The following UVRAG variants were observed in gnomAD, a reference collection of about 807,000 sequenced individuals.
The protein encoded by UVRAG is UV radiation resistance-associated gene protein.
In UVRAG, 19 loss-of-function variants were observed where a neutral mutation model predicts 78.0. The ratio of observed to expected loss-of-function variants is 0.24; its 90% CI spans 0.17 to 0.36. The LOEUF (loss-of-function observed/expected upper bound fraction) is 0.36. UVRAG is among the 10% of genes least tolerant of loss of function. UVRAG has a pLI of 1.00. For synonymous variants in UVRAG, 323 were observed against 324.6 expected (o/e 1.00, Z 0.05); for missense variants, 740 against 853.8 (o/e 0.87, Z 1.66).
At chr11:76,121,698 C>T (rs1387321207) in intron 14 of UVRAG, among the ~76,000 whole-genome samples, 1 of 152,206 alleles carries the variant, frequency 6.6e-6, no homozygotes, top group Non-Finnish European at 1.5e-5. Context: ...TCAACAGACC[C>T]CCAGGCATAG....
At chr11:75,861,601 G>T in intron 2 of UVRAG, 145 bp from the exon 3 acceptor site, 1 of 467,566 alleles carries the variant, frequency 2.1e-6, no homozygotes, top group Non-Finnish European at 3.7e-6. Flanking sequence ...TTTTTTAACA[G>T]ATAAAGATAT....
chr11:76,087,205 G>C (rs1377872429), intron 13 of UVRAG, among the ~76,000 whole-genome samples: 2 of 152,168 alleles, frequency 1.3e-5, no homozygotes, highest in Non-Finnish European at 2.9e-5. Flanking sequence ...TAGGTACATA[G>C]GAATGCCAGT....
In UVRAG at chr11:76,084,324, A is replaced by G. The variant is rs373656076; in HGVS notation, c.1305+18536A>G. Among the ~76,000 whole-genome samples, 7 of 152,334 alleles carry G rather than the reference A, an allele frequency of 4.6e-5. No individual in the cohort carries two copies. In the East Asian group the frequency reaches 1.3e-3, roughly 29 times the overall value. On this transcript the variant is annotated intron_variant, in intron 13 of 14. Transcript: ENST00000356136. ...CAGTGCTTTCTTATTTATTTCTATA[A>G]AGGCGGTATTAATATCTGAATTTAA...
At chr11:76,004,351 G>A (rs945481184) in intron 9 of UVRAG, among the ~76,000 whole-genome samples, 4 of 152,064 alleles carry the variant, frequency 2.6e-5, no homozygotes, top group Non-Finnish European at 4.4e-5. Context: ...CCACAGCATC[G>A]TGGTTTAATG....
At chr11:75,994,074 A>G (rs1326989635) in intron 8 of UVRAG, among the ~76,000 whole-genome samples, 1 of 152,194 alleles carries the variant, frequency 6.6e-6, no homozygotes. Context: ...ATTGAGGATC[A>G]CATTTCACAC....
chr11:76,081,072 T>C (rs1404927883), intron 13 of UVRAG, among the ~76,000 whole-genome samples: 3 of 152,240 alleles, frequency 2.0e-5, no homozygotes, highest in African/African-American at 7.2e-5. Context: ...TTGTATTTCA[T>C]TGTTTCCAGA....
chr11:76,063,171 A>G (rs1474182400), intron 12 of UVRAG, among the ~76,000 whole-genome samples: 1 of 152,216 alleles, frequency 6.6e-6, no homozygotes, highest in Non-Finnish European at 1.5e-5. Flanking sequence ...CTTGACAGAG[A>G]GGCAAAGAGG....
At chr11:76,064,716 C>G (rs1254976457) in intron 12 of UVRAG, among the ~76,000 whole-genome samples, 1 of 152,030 alleles carries the variant, frequency 6.6e-6, no homozygotes, top group Admixed American at 6.6e-5. Context: ...TTTATTTTCT[C>G]TAGAAAATAA....
At position 75,849,859 on chromosome 11, in the gene UVRAG, A is replaced by G. The variant is rs189772218; in HGVS notation, c.118-2024A>G. Among the ~76,000 whole-genome samples, 106 of 149,420 alleles carry G rather than the reference A, an allele frequency of 7.1e-4. 1 individual carries two copies. The highest frequency in any genetic ancestry group is 2.7e-3 in the African/African-American group (104 of 38,758). ...TGTTTTGAACAAAGAATTGGACAAA[A>G]TTAACAGCAAAGCAAGCAAAGAGTG... On this transcript the variant is annotated intron_variant, in intron 1 of 14. Transcript: ENST00000356136.
intron 12 of UVRAG, among the ~76,000 whole-genome samples, chr11:76,057,081 A>C (rs1319776857): frequency 6.6e-6 from 1 of 152,218 alleles, no homozygotes; most frequent in Non-Finnish European, 1.5e-5. Context: ...TGCCAAGGAG[A>C]ATGACATGAG....
chr11:75,991,710 T>G (rs1341008703), intron 8 of UVRAG, among the ~76,000 whole-genome samples: 4 of 152,132 alleles, frequency 2.6e-5, no homozygotes, highest in African/African-American at 9.7e-5. Flanking sequence ...GTATATATTA[T>G]TCTAGAATAT....
chr11:75,967,802 C>T (rs527789642), intron 7 of UVRAG, among the ~76,000 whole-genome samples: 1 of 152,232 alleles, frequency 6.6e-6, no homozygotes, highest in South Asian at 2.1e-4. Context: ...TCGTAAGTCT[C>T]GCAGACTCTG....
At chr11:75,828,801 A>ATTTTT (rs1354813765) in intron 1 of UVRAG, among the ~76,000 whole-genome samples, 1 of 74,930 alleles carries the variant, frequency 1.3e-5, no homozygotes. Flanking sequence ...ATATATATAT[A>ATTTTT]TATATTTTTT....
intron 12 of UVRAG, among the ~76,000 whole-genome samples, chr11:76,038,119 C>A (rs2135413013): frequency 6.6e-6 from 1 of 152,040 alleles, no homozygotes; most frequent in South Asian, 2.1e-4. Flanking sequence ...ACTTAAAAAA[C>A]AAAACAAAAC....
chr11:75,922,400 T>A (rs1947997658), intron 6 of UVRAG, among the ~76,000 whole-genome samples: 1 of 152,164 alleles, frequency 6.6e-6, no homozygotes, highest in African/African-American at 2.4e-5. Context: ...TATTTAGTAA[T>A]ATATCTAATT....
chr11:76,131,738 T>C (rs1000811213), intron 14 of UVRAG, among the ~76,000 whole-genome samples: 1 of 152,214 alleles, frequency 6.6e-6, no homozygotes, highest in African/African-American at 2.4e-5. Flanking sequence ...CTTACACTTA[T>C]CTGGTAATGG....
chr11:76,098,035 T>C (rs748632232), intron 13 of UVRAG, among the ~76,000 whole-genome samples: 6 of 152,154 alleles, frequency 3.9e-5, no homozygotes, highest in Non-Finnish European at 5.9e-5. Flanking sequence ...ATCGTTCATC[T>C]CGGATGGTTT....
chr11:75,929,598 G>A (rs1948189750), intron 6 of UVRAG, among the ~76,000 whole-genome samples: 1 of 152,074 alleles, frequency 6.6e-6, no homozygotes, highest in African/African-American at 2.4e-5. Context: ...TGTTGGTGAG[G>A]GAGAGAAATG....
At chr11:75,949,304 T>G (rs534455136) in intron 6 of UVRAG, among the ~76,000 whole-genome samples, 2 of 152,166 alleles carry the variant, frequency 1.3e-5, no homozygotes, top group African/African-American at 4.8e-5. Flanking sequence ...TTTGCAGGAC[T>G]TTTTTCCCCC....
Sources: gnomAD v4.1 joint callset for allele counts (sites outside exome capture counted in the v4.1 genomes callset) on GRCh38, gnomAD v4.1.1 for gene constraint, MANE v1.5 for transcripts, NCBI Gene and HGNC (gene_info 2026-07-23, HGNC 2026-07-21) for gene names.